The following ABHD12 variants were observed in gnomAD, a reference collection of about 807,000 sequenced individuals.
ABHD12 encodes abhydrolase domain containing 12, lysophospholipase.
In ABHD12, 43 loss-of-function variants were observed where a neutral mutation model predicts 58.3. That is an observed-to-expected ratio of 0.74 (90% CI 0.58 to 0.95). The LOEUF (loss-of-function observed/expected upper bound fraction) is 0.95. Among genes scored for constraint, ABHD12 ranks in the 40% least tolerant of loss-of-function variants. The pLI, the probability that ABHD12 is intolerant of heterozygous loss-of-function variation, is 0.00. For synonymous variants in ABHD12, 219 were observed against 211.2 expected, an observed-to-expected ratio of 1.04 and a Z score of -0.32; for missense variants, 539 against 537.2, an observed-to-expected ratio of 1.00 and a Z score of -0.03.
At chr20:25,344,994 G>A (rs887318744) in intron 1 of ABHD12, among the ~76,000 whole-genome samples, 31 of 151,774 alleles carry the variant, frequency 2.0e-4, no homozygotes, top group African/African-American at 7.5e-4. Flanking sequence ...AACTCAAAAT[G>A]AGTCATAGAC....
At chr20:25,363,768 G>A (rs1396784097) in intron 1 of ABHD12, among the ~76,000 whole-genome samples, 3 of 152,050 alleles carry the variant, frequency 2.0e-5, no homozygotes, top group African/African-American at 7.2e-5. Flanking sequence ...GGGAGGCTGA[G>A]GCAGCAGAAT....
intron 12 of ABHD12, 36 bp downstream of exon 12, chr20:25,302,183 C>T: frequency 6.2e-7 from 1 of 1,612,046 alleles, no homozygotes; most frequent in Admixed American, 1.7e-5. Context: ...CAGTGCTGCC[C>T]AGACGAAGCC....
chr20:25,378,611 C>G (rs1478480300), intron 1 of ABHD12, among the ~76,000 whole-genome samples: 1 of 152,074 alleles, frequency 6.6e-6, no homozygotes, highest in Admixed American at 6.6e-5. Context: ...ACATTCTTAC[C>G]TTCCCATTAC....
At chr20:25,386,112 A>G (rs1382644229) in intron 1 of ABHD12, among the ~76,000 whole-genome samples, 2 of 150,668 alleles carry the variant, frequency 1.3e-5, no homozygotes, top group Non-Finnish European at 1.5e-5. Context: ...AAAAAATAAT[A>G]ATAATAATAA....
chr20:25,363,122 C>T lies in ABHD12; in HGVS notation c.192-23771G>A, dbSNP rs889656586. 2.0e-5 allele frequency among the ~76,000 whole-genome samples: 3 copies of T among 151,560 alleles called. No individual in the cohort carries two copies. The East Asian group carries it at 5.8e-4, about 29-fold the overall frequency. On this transcript the variant is annotated intron_variant, in intron 1 of 12. Transcript: ENST00000339157. ...GAGTATTTTATAGTAGAGGTGAGAA[C>T]AAATAAAAAGTATTATTTATTTGAA...
At chr20:25,324,485 G>C (rs530088772) in intron 2 of ABHD12, among the ~76,000 whole-genome samples, 1 of 152,318 alleles carries the variant, frequency 6.6e-6, no homozygotes, top group South Asian at 2.1e-4. Context: ...GGATTTGCCT[G>C]CTTTATAAAA....
intron 1 of ABHD12, among the ~76,000 whole-genome samples, chr20:25,348,805 G>A (rs1293870267): frequency 3.9e-5 from 6 of 152,090 alleles, no homozygotes; most frequent in African/African-American, 4.8e-5. Context: ...AGATATTGGC[G>A]GTTGCGGTGG....
chr20:25,353,639 C>T (rs999613354), intron 1 of ABHD12, among the ~76,000 whole-genome samples: 4 of 152,334 alleles, frequency 2.6e-5, no homozygotes, highest in South Asian at 2.1e-4. Flanking sequence ...CTTCTACCCC[C>T]GGCAGGCAGA....
chr20:25,380,761 G>A (rs1418906972), intron 1 of ABHD12, among the ~76,000 whole-genome samples: 5 of 152,148 alleles, frequency 3.3e-5, no homozygotes, highest in Admixed American at 3.3e-4. Flanking sequence ...TCTGCTGGGA[G>A]AGTCTGCTGC....
downstream of ABHD12, among the ~76,000 whole-genome samples, chr20:25,299,224 CCAT>C (rs2088596231): frequency 6.6e-6 from 1 of 151,990 alleles, no homozygotes; most frequent in African/African-American, 2.4e-5. Flanking sequence ...TGGCAAAACC[CCAT>C]CTTTACAAAA....
chr20:25,341,423 C>T (rs2089453012), intron 1 of ABHD12, among the ~76,000 whole-genome samples: 1 of 152,202 alleles, frequency 6.6e-6, no homozygotes, highest in African/African-American at 2.4e-5. Context: ...TCTAGCTTTT[C>T]AATGAGGGTA....
chr20:25,366,833 G>A (rs1024081000), intron 1 of ABHD12, among the ~76,000 whole-genome samples: 1 of 152,028 alleles, frequency 6.6e-6, no homozygotes, highest in African/African-American at 2.4e-5. Context: ...GTGTATTTGG[G>A]TCTATTTGGG....
At chr20:25,352,173 G>C (rs1352092569) in intron 1 of ABHD12, among the ~76,000 whole-genome samples, 2 of 150,988 alleles carry the variant, frequency 1.3e-5, no homozygotes, top group African/African-American at 4.9e-5. Context: ...TGTATTTTTA[G>C]TAGAGATGAG....
chr20:25,372,930 T>C (rs2089916462), intron 1 of ABHD12, among the ~76,000 whole-genome samples: 1 of 152,176 alleles, frequency 6.6e-6, no homozygotes, highest in African/African-American at 2.4e-5. Context: ...AAGTGCCCTA[T>C]ACTGTACTGT....
intron 1 of ABHD12, among the ~76,000 whole-genome samples, chr20:25,357,172 C>T (rs1227380317): frequency 6.6e-6 from 1 of 152,174 alleles, no homozygotes; most frequent in Non-Finnish European, 1.5e-5. Flanking sequence ...TCTAGCACTT[C>T]CTCACCCAAC....
downstream of ABHD12, chr20:25,296,578 C>T: frequency 1.3e-6 from 2 of 1,558,450 alleles, no homozygotes. Context: ...GACTTTGCAC[C>T]TCCTTTTTTC....
intron 2 of ABHD12, chr20:25,338,822 G>A: frequency 9.8e-7 from 1 of 1,021,896 alleles, no homozygotes; most frequent in Non-Finnish European, 1.2e-6. Flanking sequence ...ATGCACAACT[G>A]ACAAGGCATC....
intron 2 of ABHD12, among the ~76,000 whole-genome samples, chr20:25,335,796 G>A (rs1186225566): frequency 1.5e-5 from 2 of 135,720 alleles, no homozygotes; most frequent in Non-Finnish European, 3.1e-5. Context: ...ATCACACTCT[G>A]GGAACTGTTG....
At chr20:25,339,585 A>ACC (rs1290742275) in intron 1 of ABHD12, 3 of 1,491,158 alleles carry the variant, frequency 2.0e-6, no homozygotes, top group Middle Eastern at 1.8e-4. Flanking sequence ...TTTTTTCTTG[A>ACC]AAGACATAGA....
Sources: allele counts gnomAD v4.1 joint callset (sites outside exome capture counted in the v4.1 genomes callset), GRCh38; gene constraint gnomAD v4.1.1; transcripts MANE v1.5; gene names NCBI Gene and HGNC (gene_info 2026-07-23, HGNC 2026-07-21).